Variants in SLC47A1 observed in about 807,000 individuals in gnomAD.
SLC47A1 encodes the protein multidrug and toxin extrusion protein 1.
Under a neutral mutation model 65.8 loss-of-function variants are expected in SLC47A1, and 58 were observed. That is an observed-to-expected ratio of 0.88 (90% confidence interval 0.71 to 1.10). The LOEUF (loss-of-function observed/expected upper bound fraction) is 1.10. Among genes scored for constraint, SLC47A1 ranks in the 50% least tolerant of loss-of-function variants. The pLI is 0.00. For missense variants in SLC47A1, 706 were observed against 719.2 expected, an observed-to-expected ratio of 0.98 and a Z score of 0.21; for synonymous variants, 285 against 295.0, an observed-to-expected ratio of 0.97 and a Z score of 0.35.
intron 1 of SLC47A1, 91 bp downstream of exon 1, chr17:19,534,165 G>A: frequency 2.9e-6 from 4 of 1,382,782 alleles, no homozygotes; most frequent in Non-Finnish European, 3.8e-6. Context: ...CGGGCTTTGG[G>A]GACCGAGCGA....
At chr17:19,534,773 T>C (rs1448976455) in intron 1 of SLC47A1, 1 of 152,214 alleles carries the variant, frequency 6.6e-6, no homozygotes, top group Non-Finnish European at 1.5e-5. Flanking sequence ...GGGATTCTTT[T>C]CTTTTTAATC....
At position 19,572,252 on chromosome 17, in the gene SLC47A1, C is replaced by T. The variant is rs563944561; in HGVS notation, c.1405-528C>T. 2.3e-4 allele frequency among the ~76,000 whole-genome samples: 35 copies of T among 152,236 alleles called. No homozygotes were observed. In the East Asian group the frequency reaches 4.8e-3, roughly 21 times the overall value. On this transcript the variant is annotated intron_variant, in intron 15 of 16. Transcript: ENST00000270570. ...CCTGTCTCCCTCACCCTGTACTGTT[C>T]CCATCCCACCTTCCCTTTCATGGAC...
intron 1 of SLC47A1, among the ~76,000 whole-genome samples, chr17:19,536,181 C>T (rs1915982526): frequency 6.6e-6 from 1 of 152,004 alleles, no homozygotes; most frequent in South Asian, 2.1e-4. Context: ...ATCCTCCTGC[C>T]TCGGCCTCCC....
At chr17:19,562,393 C>T (rs919116938) in intron 12 of SLC47A1, among the ~76,000 whole-genome samples, 3 of 151,934 alleles carry the variant, frequency 2.0e-5, no homozygotes, top group Non-Finnish European at 4.4e-5. Flanking sequence ...GAAACCCTGT[C>T]TCTACTAAAA....
chr17:19,574,016 G>A (rs564758469), intron 16 of SLC47A1, among the ~76,000 whole-genome samples: 6 of 151,138 alleles, frequency 4.0e-5, no homozygotes, highest in African/African-American at 7.3e-5. Context: ...TCCGCCTCCC[G>A]GGTTCAAGCG....
chr17:19,534,114 G>C lies in SLC47A1; in HGVS notation c.135+40G>C, dbSNP rs1288762756. 3.4e-6 allele frequency: 5 copies of C among 1,483,478 alleles called. No individual in the cohort carries two copies. In the South Asian group the frequency reaches 6.4e-5, roughly 19 times the overall value. The allele number at this position is 1,483,478 out of a possible 1,614,324, so 91.9% of individuals were successfully genotyped here. ...CTCAGTGGCAGGCCGGTACCGGCGGGCTGGGGACCTGGTGATTTCTGCCTC... is the reference window on the plus strand; with the variant it reads ...CTCAGTGGCAGGCCGGTACCGGCGGCCTGGGGACCTGGTGATTTCTGCCTC... On this transcript the variant is annotated intron_variant, in intron 1 of 16. Coordinates refer to ENST00000270570, the MANE Select transcript of SLC47A1 (RefSeq NM_018242.3).
At position 19,566,842 on chromosome 17, in the gene SLC47A1, C is replaced by G. The variant is rs778839555; in HGVS notation, c.1159C>G (p.Leu387Val). The part of the protein sequence containing the change: ...QVVPIYAVSH[L>V]FEALACTSGG... ...GGTTCCAATTTATGCTGTTTCCCAC[C>G]TCTTTGAAGCTCTTGCTGTAAGTAT... Residue 387 changes from leucine to valine, a missense_variant, in exon 13 of 17, where the codon CTC (leucine) becomes GTC (valine). Physicochemically the swap from Leu to Val is conservative, Grantham distance 32. Coordinates refer to ENST00000270570, the MANE Select transcript of SLC47A1 (RefSeq NM_018242.3). The G allele has an allele frequency of 1.9e-6, 3 of 1,614,182 alleles. No homozygotes were observed. The highest frequency in any genetic ancestry group is 1.1e-5 in the South Asian group (1 of 91,086).
chr17:19,534,145 G>A, intron 1 of SLC47A1, 71 bp downstream of exon 1: 1 of 1,427,674 alleles, frequency 7.0e-7, no homozygotes, highest in Non-Finnish European at 9.2e-7. Context: ...GCCTCCGCGG[G>A]TGACTTTGGC....
At chr17:19,540,877 C>CA (rs59709153) in intron 1 of SLC47A1, among the ~76,000 whole-genome samples, 7,428 of 148,630 alleles carry the variant, frequency 0.05, 293 homozygotes, top group East Asian at 0.2. Context: ...CACACACACA[C>CA]CCCTAGGGTT....
chr17:19,534,100 G>A, intron 1 of SLC47A1, 26 bp downstream of exon 1: 2 of 1,504,368 alleles, frequency 1.3e-6, no homozygotes, highest in African/African-American at 1.4e-5. Context: ...TCAGTGGCAG[G>A]CCGGTACCGG....
chr17:19,548,658 C>A (rs1488474488), intron 4 of SLC47A1, among the ~76,000 whole-genome samples: 3 of 152,100 alleles, frequency 2.0e-5, no homozygotes, highest in African/African-American at 7.2e-5. Context: ...TACTACCACG[C>A]CTGGCTAATT....
rs1915918788 is a variant in SLC47A1, at chr17:19,534,007, C to T, written c.68C>T (p.Ser23Leu). The change falls in exon 1 of 17, where the codon TCG (serine) becomes TTG (leucine). Residue 23 changes from serine to leucine, a missense_variant. Ser to Leu is a moderately radical substitution (Grantham distance 145). Transcript: ENST00000270570. Reference protein sequence around the residue: ...GPEATLEVRGSRCLRLSAFRE... With the variant: ...GPEATLEVRGLRCLRLSAFRE... The stretch of plus-strand genomic sequence containing the variant: ...GAGGCCACCCTTGAGGTCCGTGGGT[C>T]GCGCTGCTTGCGGCTGTCCGCCTTC... 6.5e-7 allele frequency: 1 copy of T among 1,545,168 alleles called. No individual in the cohort carries two copies. Among genetic ancestry groups the T allele is most frequent in the Admixed American group, 2.0e-5 (1 of 50,940 alleles).
At chr17:19,563,729 C>A (rs1358060626) in intron 12 of SLC47A1, among the ~76,000 whole-genome samples, 29 of 152,108 alleles carry the variant, frequency 1.9e-4, no homozygotes, top group Non-Finnish European at 1.5e-5. Flanking sequence ...TGGCTCACGC[C>A]TGTAATCCCA....
In SLC47A1 at chr17:19,577,394, T is replaced by A. The variant is rs767039095; in HGVS notation, c.1554T>A (p.Asp518Glu). The A allele has an allele frequency of 6.2e-7, 1 of 1,614,210 alleles. No homozygotes were observed. The highest frequency in any genetic ancestry group is 1.1e-5 in the South Asian group (1 of 91,084). Residue 518 changes from aspartate to glutamate, a missense_variant, in exon 17 of 17, where the codon GAT becomes GAA. Asp to Glu is a conservative substitution (Grantham distance 45). Transcript: ENST00000270570. Reference sequence around the variant, plus strand: ...GAAAGACAGGCGAGCCTCAGTCAGATCAGCAGATGCGCCAAGAAGAACCTT... The same window carrying A: ...GAAAGACAGGCGAGCCTCAGTCAGAACAGCAGATGCGCCAAGAAGAACCTT... ...DVGKTGEPQS[D>E]QQMRQEEPLP...
At chr17:19,537,673 A>T (rs1463663868) in intron 1 of SLC47A1, among the ~76,000 whole-genome samples, 1 of 152,214 alleles carries the variant, frequency 6.6e-6, no homozygotes, top group Non-Finnish European at 1.5e-5. Context: ...CTCCGCTCTC[A>T]TGCTCCAAAT....
At chr17:19,560,021 G>A (rs1272837888) in intron 10 of SLC47A1, 167 bp from the exon 11 acceptor site, 2 of 591,250 alleles carry the variant, frequency 3.4e-6, no homozygotes, top group Non-Finnish European at 6.0e-6. Context: ...AGTTTCCACA[G>A]TAGCGTGGGA....
intron 1 of SLC47A1, among the ~76,000 whole-genome samples, chr17:19,536,270 A>ATAG (rs1353678624): frequency 6.6e-6 from 1 of 151,154 alleles, no homozygotes; most frequent in African/African-American, 2.4e-5. Flanking sequence ...AATAATAATA[A>ATAG]TAATAATAAT....
chr17:19,561,414 C>T (rs1305602894), intron 12 of SLC47A1, among the ~76,000 whole-genome samples: 3 of 151,888 alleles, frequency 2.0e-5, no homozygotes, highest in East Asian at 3.9e-4. Context: ...GAGGTTGAGG[C>T]GGGTGGATCA....
At position 19,571,570 on chromosome 17, in the gene SLC47A1, C is replaced by T. The variant is rs1490135530; in HGVS notation, c.1402C>T (p.Gln468Ter). The change falls in exon 15 of 17, where the codon CAG (glutamine) becomes TAG (stop). Residue 468 changes from glutamine to a stop codon, truncating the protein, a stop_gained and splice_region_variant. Coordinates refer to ENST00000270570, the MANE Select transcript of SLC47A1 (RefSeq NM_018242.3). LOFTEE classifies it high-confidence loss of function. Reference protein sequence around the residue: ...IQLNWKKACQQAQVHANLKVN... With the variant: ...IQLNWKKACQ ...GCTAAATTGGAAAAAAGCCTGTCAGCAGGTAACTATGTTCATTCTGTCCCG... is the reference window on the plus strand; with the variant it reads ...GCTAAATTGGAAAAAAGCCTGTCAGTAGGTAACTATGTTCATTCTGTCCCG... The T allele has an allele frequency of 1.2e-6, 2 of 1,612,204 alleles. No homozygotes were observed. Among genetic ancestry groups the T allele is most frequent in the South Asian group, 1.1e-5 (1 of 91,020 alleles).
Sources: allele counts gnomAD v4.1 joint callset (sites outside exome capture counted in the v4.1 genomes callset), GRCh38; gene constraint gnomAD v4.1.1; transcripts MANE v1.5; gene names NCBI Gene and HGNC (gene_info 2026-07-23, HGNC 2026-07-21).